The following HTR2C variants were observed in gnomAD, a reference collection of about 807,000 sequenced individuals.
HTR2C encodes 5-hydroxytryptamine (serotonin) receptor 2C, G protein-coupled.
In HTR2C, 5 loss-of-function variants were observed where a neutral mutation model predicts 21.0. That is an observed-to-expected ratio of 0.24 (90% CI 0.12 to 0.50). HTR2C has a LOEUF of 0.50. Among genes scored for constraint, HTR2C ranks in the 20% least tolerant of loss-of-function variants. The pLI is 0.98. For synonymous variants in HTR2C, 150 were observed against 145.3 expected (o/e 1.03, Z -0.23); for missense variants, 271 against 371.2 (o/e 0.73, Z 2.22).
chrX:114,697,314 G>C (rs374756281), intron 2 of HTR2C, among the ~76,000 whole-genome samples: 73 of 112,321 alleles, frequency 6.5e-4, no homozygotes, highest in African/African-American at 2.3e-3. Context: ...GCAATGCATT[G>C]ATTTGATCAC....
At chrX:114,724,710 G>T (rs1933377933) in intron 2 of HTR2C, among the ~76,000 whole-genome samples, 1 of 108,174 alleles carries the variant, frequency 9.2e-6, no homozygotes, top group South Asian at 4.3e-4. Context: ...GGGCAGGCCT[G>T]ATGGTGACAA....
chrX:114,833,570 G>A (rs1556462155), intron 4 of HTR2C, among the ~76,000 whole-genome samples: 1 of 110,231 alleles, frequency 9.1e-6, no homozygotes, highest in Non-Finnish European at 1.9e-5. Context: ...TTTTTATTGT[G>A]TCTATTTGAT....
intron 5 of HTR2C, among the ~76,000 whole-genome samples, chrX:114,903,352 CCT>C (rs1454460700): frequency 8.9e-6 from 1 of 112,233 alleles, no homozygotes; most frequent in Non-Finnish European, 1.9e-5. Context: ...CCAAATAATA[CCT>C]GTCTTATAAA....
Position 114,680,256 on chromosome X carries a change from G to A in HTR2C, c.-79-46602G>A, listed in dbSNP as rs781922173. 6.2e-5 allele frequency among the ~76,000 whole-genome samples: 7 copies of A among 112,414 alleles called. No individual in the cohort carries two copies. In the South Asian group the frequency reaches 2.2e-3, roughly 35 times the overall value. On this transcript the variant is annotated intron_variant, in intron 2 of 5. Coordinates refer to ENST00000276198, the MANE Select transcript of HTR2C (RefSeq NM_000868.4). ...AGGTTAAATTCTGTGGCAATTAAAA[G>A]CAATTTATTAAGTGAGTAATGTATA...
intron 4 of HTR2C, among the ~76,000 whole-genome samples, chrX:114,737,525 T>A (rs1183278617): frequency 9.0e-6 from 1 of 111,666 alleles, no homozygotes; most frequent in South Asian, 3.7e-4. Context: ...AGGGCACTCC[T>A]GACTTTTTAA....
intron 2 of HTR2C, among the ~76,000 whole-genome samples, chrX:114,705,644 A>G (rs1473000025): frequency 1.0e-5 from 1 of 96,400 alleles, no homozygotes; most frequent in African/African-American, 3.7e-5. Flanking sequence ...GCACATAGGC[A>G]TGGGCAAGGA....
intron 4 of HTR2C, among the ~76,000 whole-genome samples, chrX:114,834,540 T>C (rs1441186239): frequency 9.0e-6 from 1 of 110,715 alleles, no homozygotes; most frequent in Non-Finnish European, 1.9e-5. Flanking sequence ...TTTTCTTTTT[T>C]TGTTTTCCAT....
At chrX:114,902,128 G>C (rs1556485391) in intron 5 of HTR2C, among the ~76,000 whole-genome samples, 1 of 111,957 alleles carries the variant, frequency 8.9e-6, no homozygotes, top group Non-Finnish European at 1.9e-5. Context: ...AATAACATGT[G>C]CCTTGCGGAA....
chrX:114,715,056 T>C (rs1407664212), intron 2 of HTR2C, among the ~76,000 whole-genome samples: 1 of 112,298 alleles, frequency 8.9e-6, no homozygotes, highest in Non-Finnish European at 1.9e-5. Flanking sequence ...TTCTACATTT[T>C]ATGAGTTGTA....
chrX:114,904,672 A>G (rs969797095), intron 5 of HTR2C, among the ~76,000 whole-genome samples: 1 of 110,890 alleles, frequency 9.0e-6, no homozygotes, highest in Non-Finnish European at 1.9e-5. Context: ...CCCCTCTAAC[A>G]TTTTCTCTTG....
chrX:114,724,468 C>T (rs189753412), intron 2 of HTR2C, among the ~76,000 whole-genome samples: 4 of 97,120 alleles, frequency 4.1e-5, no homozygotes, highest in Non-Finnish European at 8.3e-5. Flanking sequence ...ACTCTTTATC[C>T]AATTTGCCAG....
intron 5 of HTR2C, among the ~76,000 whole-genome samples, chrX:114,896,053 T>C (rs781825062): frequency 1.2e-4 from 13 of 111,733 alleles, no homozygotes; most frequent in Non-Finnish European, 1.9e-4. Context: ...ATGCTGTGTG[T>C]TCAACAAATT....
At chrX:114,855,667 T>A (rs182489364) in intron 5 of HTR2C, among the ~76,000 whole-genome samples, 2 of 107,312 alleles carry the variant, frequency 1.9e-5, no homozygotes, top group African/African-American at 6.8e-5. Flanking sequence ...AGTAAAGATG[T>A]TAGTCTATGA....
chrX:114,723,634 C>T (rs1369087534), intron 2 of HTR2C, among the ~76,000 whole-genome samples: 1 of 109,493 alleles, frequency 9.1e-6, no homozygotes, highest in African/African-American at 3.3e-5. Flanking sequence ...ATCTTTCCTG[C>T]TTTCTCTTGT....
intron 2 of HTR2C, among the ~76,000 whole-genome samples, chrX:114,683,080 T>C (rs1556413720): frequency 8.9e-6 from 1 of 111,939 alleles, no homozygotes; most frequent in African/African-American, 3.2e-5. Context: ...ATGATGGAGA[T>C]GACAACTCTG....
At chrX:114,642,213 C>G (rs1323671805) in intron 2 of HTR2C, among the ~76,000 whole-genome samples, 1 of 111,996 alleles carries the variant, frequency 8.9e-6, no homozygotes, top group African/African-American at 3.2e-5. Context: ...CATACGTAAG[C>G]ATGTATCTTG....
At chrX:114,788,920 A>G (rs1012907479) in intron 4 of HTR2C, among the ~76,000 whole-genome samples, 1 of 111,918 alleles carries the variant, frequency 8.9e-6, no homozygotes, top group Non-Finnish European at 1.9e-5. Flanking sequence ...AAGTGTTGGG[A>G]TTACAGGCAT....
chrX:114,790,213 C>G (rs184343666), intron 4 of HTR2C, among the ~76,000 whole-genome samples: 40 of 111,461 alleles, frequency 3.6e-4, no homozygotes, highest in African/African-American at 1.3e-3. Context: ...TTTTACAGAT[C>G]TCTAGGGACA....
chrX:114,633,709 TTTC>T (rs1445589126), intron 2 of HTR2C, among the ~76,000 whole-genome samples: 3 of 111,013 alleles, frequency 2.7e-5, no homozygotes, highest in Non-Finnish European at 5.7e-5. Context: ...TATTTGATTA[TTTC>T]TTAACAGAAA....
Sources: allele counts gnomAD v4.1 joint callset (sites outside exome capture counted in the v4.1 genomes callset), GRCh38; gene constraint gnomAD v4.1.1; transcripts MANE v1.5; gene names NCBI Gene and HGNC (gene_info 2026-07-23, HGNC 2026-07-21).